Variants in CHST8 observed in about 807,000 individuals in gnomAD.
CHST8 encodes GALNAC-4-ST1.
A neutral mutation model predicts 15.0 loss-of-function variants in CHST8; 10 were observed. That is an observed-to-expected ratio of 0.67 (90% CI 0.41 to 1.13). The LOEUF is 1.13. CHST8 is among the 50% of genes most tolerant of loss of function. The pLI, the probability that CHST8 is intolerant of heterozygous loss-of-function variation, is 0.00. For missense variants in CHST8, 634 were observed against 608.2 expected (o/e 1.04, Z -0.45); for synonymous variants, 259 against 256.6 (o/e 1.01, Z -0.09).
intron 3 of CHST8, among the ~76,000 whole-genome samples, chr19:33,758,137 G>T (rs460255): frequency 0.14 from 20,907 of 149,292 alleles, 1,648 homozygotes; most frequent in Admixed American, 0.2. Context: ...GTGGGGTGGG[G>T]TGGGGGGGCA....
At chr19:33,721,718 G>A (rs755817708) in intron 3 of CHST8, among the ~76,000 whole-genome samples, 13 of 151,844 alleles carry the variant, frequency 8.6e-5, no homozygotes, top group Non-Finnish European at 1.9e-4. Flanking sequence ...GGAGGGAAGG[G>A]TGGATGGATA....
intron 3 of CHST8, among the ~76,000 whole-genome samples, chr19:33,695,822 T>TTTCTTTCTTTC (rs1491223145): frequency 1.5e-5 from 1 of 68,418 alleles, no homozygotes; most frequent in African/African-American, 7.6e-5. Context: ...TCTTTCTTTC[T>TTTCTTTCTTTC]TTTTTTTTTT....
chr19:33,764,654 G>A (rs554958952), intron 3 of CHST8, among the ~76,000 whole-genome samples: 78 of 152,268 alleles, frequency 5.1e-4, no homozygotes, highest in Middle Eastern at 3.4e-3. Context: ...GGTCTTTGCC[G>A]ATGTAATCAA....
chr19:33,691,029 C>T (rs1443994669), intron 3 of CHST8, among the ~76,000 whole-genome samples: 1 of 152,152 alleles, frequency 6.6e-6, no homozygotes, highest in Admixed American at 6.5e-5. Flanking sequence ...CTGTGATGCC[C>T]ACCTGGGACC....
chr19:33,742,042 T>C (rs1346677217), intron 3 of CHST8, among the ~76,000 whole-genome samples: 1 of 152,134 alleles, frequency 6.6e-6, no homozygotes, highest in Non-Finnish European at 1.5e-5. Context: ...TCTCAGGGGC[T>C]AAGACCCCAG....
intron 3 of CHST8, among the ~76,000 whole-genome samples, chr19:33,734,501 G>A (rs1017707209): frequency 6.6e-6 from 1 of 152,166 alleles, no homozygotes; most frequent in Non-Finnish European, 1.5e-5. Context: ...AACAGCAATG[G>A]GGACCCACAC....
intron 3 of CHST8, among the ~76,000 whole-genome samples, chr19:33,752,103 C>A (rs78001900): frequency 6.6e-6 from 1 of 152,174 alleles, no homozygotes; most frequent in Non-Finnish European, 1.5e-5. Context: ...AGCCCCAGGA[C>A]GAAGGGGAGG....
intron 3 of CHST8, among the ~76,000 whole-genome samples, chr19:33,712,141 T>A (rs1470024079): frequency 6.6e-6 from 1 of 152,108 alleles, no homozygotes; most frequent in African/African-American, 2.4e-5. Context: ...ACTGGAATTG[T>A]GATGTATATT....
chr19:33,717,930 G>C (rs1973692164), intron 3 of CHST8, among the ~76,000 whole-genome samples: 1 of 152,122 alleles, frequency 6.6e-6, no homozygotes, highest in Admixed American at 6.5e-5. Flanking sequence ...CTGGGGGTTA[G>C]GACTTCAAGG....
In CHST8 at chr19:33,621,977, C is replaced by T. The variant is rs1332003699; in HGVS notation, c.-483C>T. ...CACTTCGCTGGGAGCCTTCCCGGCGCGCAAGCCGGATCCGGCAGTGCTGCG... is the reference window on the plus strand; with the variant it reads ...CACTTCGCTGGGAGCCTTCCCGGCGTGCAAGCCGGATCCGGCAGTGCTGCG... On this transcript the variant is annotated 5_prime_UTR_variant, in exon 1 of 5. Transcript: ENST00000650847. The T allele has an allele frequency of 6.6e-6, 1 of 152,006 alleles. No homozygotes were observed. The highest frequency in any genetic ancestry group is 1.5e-5 in the Non-Finnish European group (1 of 68,004). 9.4% of individuals were successfully genotyped at this position (152,006 alleles called of 1,614,324 possible).
intron 2 of CHST8, among the ~76,000 whole-genome samples, chr19:33,682,890 C>T (rs778040602): frequency 2.6e-5 from 4 of 152,152 alleles, no homozygotes; most frequent in East Asian, 1.9e-4. Flanking sequence ...AGGTTTAATT[C>T]GCTTGTGGTT....
Position 33,772,701 on chromosome 19 carries a change from G to A in CHST8, c.913G>A (p.Gly305Arg). ...TCGGGAGGCCCTGCGGACCGGCTCTGGGGTGCGTTTTCCCGAGTTCGTCCA... is the reference window on the plus strand; with the variant it reads ...TCGGGAGGCCCTGCGGACCGGCTCTAGGGTGCGTTTTCCCGAGTTCGTCCA... ...ASREALRTGS[G>R]VRFPEFVQYL... The change falls in exon 5 of 5, where the codon GGG becomes AGG. Residue 305 changes from glycine (G) to arginine (R), a missense_variant. By Grantham distance (125) the Gly-to-Arg change is moderately radical (BLOSUM62 -2). Transcript: ENST00000650847. 2 of 1,613,496 alleles carry A rather than the reference G, an allele frequency of 1.2e-6. No homozygotes were observed. The highest frequency in any genetic ancestry group is 1.7e-6 in the Non-Finnish European group (2 of 1,180,002).
At chr19:33,725,197 G>A (rs1219813463) in intron 3 of CHST8, among the ~76,000 whole-genome samples, 1 of 152,094 alleles carries the variant, frequency 6.6e-6, no homozygotes, top group African/African-American at 2.4e-5. Context: ...CTATGTCTGC[G>A]CGTCACAAAC....
At chr19:33,672,499 C>T (rs754250522) in intron 2 of CHST8, among the ~76,000 whole-genome samples, 9 of 152,198 alleles carry the variant, frequency 5.9e-5, no homozygotes, top group African/African-American at 9.6e-5. Flanking sequence ...GTGCCTGGCC[C>T]CCATCAAAAG....
At chr19:33,731,512 G>C (rs1362157416) in intron 3 of CHST8, among the ~76,000 whole-genome samples, 1 of 152,120 alleles carries the variant, frequency 6.6e-6, no homozygotes, top group Non-Finnish European at 1.5e-5. Context: ...TCACCATCTT[G>C]GATTTGGTGA....
chr19:33,742,778 C>T (rs533912622), intron 3 of CHST8, among the ~76,000 whole-genome samples: 1 of 152,324 alleles, frequency 6.6e-6, no homozygotes, highest in Admixed American at 6.5e-5. Context: ...TGGTGACCAC[C>T]TCCATAGCTC....
intron 3 of CHST8, among the ~76,000 whole-genome samples, chr19:33,745,359 G>A (rs1459986158): frequency 6.6e-6 from 1 of 152,166 alleles, no homozygotes; most frequent in Non-Finnish European, 1.5e-5. Flanking sequence ...CCACTGGTAC[G>A]CCATCCTAGT....
intron 2 of CHST8, among the ~76,000 whole-genome samples, chr19:33,673,414 C>T (rs73591042): frequency 0.1 from 15,642 of 152,158 alleles, 1,563 homozygotes; most frequent in African/African-American, 0.25. Context: ...AAGGTGGGAG[C>T]CAGGGACCCT....
intron 2 of CHST8, among the ~76,000 whole-genome samples, chr19:33,681,986 G>A (rs980780696): frequency 6.6e-5 from 10 of 151,764 alleles, no homozygotes; most frequent in South Asian, 2.1e-4. Flanking sequence ...CTCCCGAGTA[G>A]CTGGGATTAC....
Sources: gnomAD v4.1 joint callset for allele counts (sites outside exome capture counted in the v4.1 genomes callset) on GRCh38, gnomAD v4.1.1 for gene constraint, MANE v1.5 for transcripts, NCBI Gene and HGNC (gene_info 2026-07-23, HGNC 2026-07-21) for gene names.